SPAG16: variants seen among roughly 807,000 people sequenced by gnomAD.
SPAG16 encodes the protein sperm-associated antigen 16 protein.
A neutral mutation model predicts 80.4 loss-of-function variants in SPAG16; 86 were observed. The ratio of observed to expected loss-of-function variants is 1.07; its 90% CI spans 0.90 to 1.28. The LOEUF (loss-of-function observed/expected upper bound fraction) is 1.28. Ranked by LOEUF, SPAG16 falls within the 50% of genes most tolerant of loss-of-function variation. The pLI is 0.00. For synonymous variants in SPAG16, 294 were observed against 265.9 expected, an observed-to-expected ratio of 1.11 and a Z score of -1.03; for missense variants, 870 against 765.3, an observed-to-expected ratio of 1.14 and a Z score of -1.61.
chr2:213,594,007 C>T (rs2060802493), intron 10 of SPAG16, among the ~76,000 whole-genome samples: 2 of 151,564 alleles, frequency 1.3e-5, no homozygotes, highest in Non-Finnish European at 2.9e-5. Flanking sequence ...GATATCCTGA[C>T]CTCCTGATCG....
chr2:213,393,866 T>C (rs973120031), intron 9 of SPAG16, among the ~76,000 whole-genome samples: 6 of 152,174 alleles, frequency 3.9e-5, no homozygotes, highest in African/African-American at 7.2e-5. Flanking sequence ...TTGAACGTGT[T>C]CTTTTTCATA....
chr2:214,284,835 A>G (rs1022567299), intron 15 of SPAG16, among the ~76,000 whole-genome samples: 1 of 141,458 alleles, frequency 7.1e-6, no homozygotes, highest in Admixed American at 7.1e-5. Flanking sequence ...GTGTGTGTGC[A>G]TATGTATTTG....
At chr2:213,771,519 T>C (rs1259018653) in intron 10 of SPAG16, among the ~76,000 whole-genome samples, 2 of 152,198 alleles carry the variant, frequency 1.3e-5, no homozygotes, top group Non-Finnish European at 2.9e-5. Context: ...CATCATAAAA[T>C]CTTTGCCCAT....
intron 9 of SPAG16, among the ~76,000 whole-genome samples, chr2:213,469,331 G>A (rs111234642): frequency 5.3e-5 from 8 of 152,162 alleles, no homozygotes; most frequent in Admixed American, 3.9e-4. Flanking sequence ...TAAATGCTGA[G>A]GTGAAGTCAA....
chr2:214,294,608 T>A (rs902483058), intron 15 of SPAG16, among the ~76,000 whole-genome samples: 1 of 152,220 alleles, frequency 6.6e-6, no homozygotes, highest in Non-Finnish European at 1.5e-5. Flanking sequence ...GATTTGCCAC[T>A]GCAAACTTGC....
At chr2:213,448,723 A>G (rs1229423803) in intron 9 of SPAG16, among the ~76,000 whole-genome samples, 1 of 152,126 alleles carries the variant, frequency 6.6e-6, no homozygotes, top group Non-Finnish European at 1.5e-5. Context: ...CCCAAATAAT[A>G]CCTTTATAAT....
rs904100245 is a variant in SPAG16, at chr2:213,572,898, G to A, written c.1070+82808G>A. ...TGCTAGCAATCAGTGAGACTCCGTG[G>A]GCGTAGGACCCTCCGAGCCAGGTGT... On this transcript the variant is annotated intron_variant, in intron 10 of 15. Transcript: ENST00000331683. Among the ~76,000 whole-genome samples the A allele has an allele frequency of 2.6e-5, 4 of 152,174 alleles. No individual in the cohort carries two copies. The South Asian group carries it at 8.3e-4, about 31-fold the overall frequency.
At chr2:213,870,351 C>T (rs1481804893) in intron 11 of SPAG16, among the ~76,000 whole-genome samples, 13 of 93,180 alleles carry the variant, frequency 1.4e-4, no homozygotes, top group Non-Finnish European at 3.7e-4. Context: ...GACGGCTTGT[C>T]TATTGTGGCT....
chr2:214,062,434 A>G (rs1303723342), intron 13 of SPAG16, among the ~76,000 whole-genome samples: 6 of 150,464 alleles, frequency 4.0e-5, no homozygotes, highest in Non-Finnish European at 8.9e-5. Flanking sequence ...AAAAAAAAAA[A>G]AAAAAAAAAA....
intron 10 of SPAG16, among the ~76,000 whole-genome samples, chr2:213,715,259 T>TCTATCTATCTAC (rs1559402677): frequency 4.6e-5 from 7 of 151,150 alleles, no homozygotes; most frequent in African/African-American, 1.7e-4. Context: ...TATCTATCTA[T>TCTATCTATCTAC]CTATCTATCC....
chr2:213,494,714 C>T (rs2074405874), intron 10 of SPAG16, among the ~76,000 whole-genome samples: 1 of 152,110 alleles, frequency 6.6e-6, no homozygotes, highest in South Asian at 2.1e-4. Flanking sequence ...GATGTCTTCC[C>T]CTTGTTGAAA....
intron 9 of SPAG16, among the ~76,000 whole-genome samples, chr2:213,468,485 A>C (rs1328588283): frequency 3.4e-5 from 4 of 119,356 alleles, no homozygotes; most frequent in African/African-American, 6.7e-5. Context: ...ATATAGATAT[A>C]TATATGTATT....
intron 15 of SPAG16, among the ~76,000 whole-genome samples, chr2:214,195,663 C>G (rs1025996217): frequency 1.3e-5 from 2 of 151,872 alleles, no homozygotes; most frequent in East Asian, 3.9e-4. Flanking sequence ...TAAATAGTGT[C>G]TGAGGTCATT....
At chr2:213,467,178 A>G (rs573672705) in intron 9 of SPAG16, among the ~76,000 whole-genome samples, 5 of 150,484 alleles carry the variant, frequency 3.3e-5, no homozygotes, top group East Asian at 2.1e-4. Flanking sequence ...CAAGTTATCA[A>G]TGATGGCTTC....
At chr2:213,356,877 C>T (rs552515738) in intron 7 of SPAG16, among the ~76,000 whole-genome samples, 8 of 152,102 alleles carry the variant, frequency 5.3e-5, no homozygotes, top group East Asian at 1.9e-4. Flanking sequence ...CTTTCTCTTG[C>T]GGGTATTTAG....
At chr2:213,484,523 A>G (rs2073892444) in intron 9 of SPAG16, among the ~76,000 whole-genome samples, 1 of 152,220 alleles carries the variant, frequency 6.6e-6, no homozygotes, top group Admixed American at 6.5e-5. Flanking sequence ...AGGGCACAGA[A>G]GCCTAAGCAA....
chr2:214,052,983 A>G (rs565142827), intron 13 of SPAG16, among the ~76,000 whole-genome samples: 5 of 152,314 alleles, frequency 3.3e-5, no homozygotes, highest in South Asian at 4.1e-4. Flanking sequence ...TTCAACTTGA[A>G]TAGGCCTTAA....
intron 15 of SPAG16, among the ~76,000 whole-genome samples, chr2:214,306,259 G>C (rs1486101746): frequency 6.6e-6 from 1 of 152,118 alleles, no homozygotes; most frequent in African/African-American, 2.4e-5. Flanking sequence ...TTGTTTATTT[G>C]TCAAAGAAGC....
intron 10 of SPAG16, among the ~76,000 whole-genome samples, chr2:213,809,754 G>C (rs1313020636): frequency 1.3e-5 from 2 of 152,176 alleles, no homozygotes; most frequent in African/African-American, 4.8e-5. Context: ...TATTTAGGGG[G>C]AGACATGGTT....
Sources: allele counts gnomAD v4.1 joint callset (sites outside exome capture counted in the v4.1 genomes callset), GRCh38; gene constraint gnomAD v4.1.1; transcripts MANE v1.5; gene names NCBI Gene and HGNC (gene_info 2026-07-23, HGNC 2026-07-21).